The following DNAI7 variants were observed in gnomAD, a reference collection of about 807,000 sequenced individuals.
DNAI7 encodes dynein axonemal intermediate chain 7.
Under a neutral mutation model 86.6 loss-of-function variants are expected in DNAI7, and 78 were observed. That is an observed-to-expected ratio of 0.90 (90% CI 0.75 to 1.09). The LOEUF (loss-of-function observed/expected upper bound fraction) is 1.09, where lower values mean the gene tolerates loss of function less well. Ranked by LOEUF, DNAI7 falls within the 50% of genes least tolerant of loss-of-function variation. The pLI is 0.00. For missense variants in DNAI7, 753 were observed against 810.2 expected, an observed-to-expected ratio of 0.93 and a Z score of 0.86; for synonymous variants, 274 against 273.0, an observed-to-expected ratio of 1.00 and a Z score of -0.04.
chr12:25,193,598 A>G (rs996698741), intron 1 of DNAI7, among the ~76,000 whole-genome samples: 1 of 152,158 alleles, frequency 6.6e-6, no homozygotes, highest in Non-Finnish European at 1.5e-5. Flanking sequence ...GGGTTCCTGG[A>G]ATCTGCATTT....
At chr12:25,170,098 G>C (rs11047871) in intron 2 of DNAI7, among the ~76,000 whole-genome samples, 12,584 of 151,996 alleles carry the variant, frequency 0.083, 1,588 homozygotes, top group African/African-American at 0.28. Flanking sequence ...AATGGTTAAA[G>C]GCCTTGTCCC....
At chr12:25,113,927 T>A (rs1425799221) in intron 13 of DNAI7, among the ~76,000 whole-genome samples, 1 of 143,840 alleles carries the variant, frequency 7.0e-6, no homozygotes, top group African/African-American at 2.5e-5. Flanking sequence ...AATTTCTTTC[T>A]TTCTTTCTGG....
chr12:25,124,214 C>G (rs904480227), intron 9 of DNAI7, among the ~76,000 whole-genome samples: 1 of 152,110 alleles, frequency 6.6e-6, no homozygotes, highest in Admixed American at 6.6e-5. Context: ...CATACACAGA[C>G]AAGTCCCCCT....
Position 25,108,520 on chromosome 12 carries a change from T to A in DNAI7, c.*28A>T. ...GTCTTTCACCATGCTTGGTTCTTCA[T>A]ACTTACAATACAGTTTGTAAGTGGA... On this transcript the variant is annotated 3_prime_UTR_variant, in exon 16 of 16. Coordinates refer to ENST00000395987, the MANE Select transcript of DNAI7 (RefSeq NM_018272.5). 6.3e-7 allele frequency: 1 copy of A among 1,577,074 alleles called. No homozygotes were observed. Among genetic ancestry groups the A allele is most frequent in the Non-Finnish European group, 8.7e-7 (1 of 1,155,084 alleles).
rs1948645817 is a variant in DNAI7, at chr12:25,174,508, G to GGATATATATAT, written c.22-13322_22-13312dup. Among the ~76,000 whole-genome samples, 2 of 69,432 alleles carry GGATATATATAT rather than the reference G, an allele frequency of 2.9e-5. 1 individual carries two copies. The highest frequency in any genetic ancestry group is 9.3e-5 in the African/African-American group (2 of 21,436). 45.6% of individuals were successfully genotyped at this position (69,432 alleles called of 152,430 possible). On this transcript the variant is annotated intron_variant, in intron 2 of 15. Transcript: ENST00000395987. Reference sequence around the variant, plus strand: ...ATATATCATATATCCCATATATATGGGATATATATATCATATATATCATAT... The same window carrying GGATATATATAT: ...ATATATCATATATCCCATATATATGGGATATATATATGATATATATATCATATATATCATAT...
intron 2 of DNAI7, among the ~76,000 whole-genome samples, chr12:25,167,976 G>A (rs1947686838): frequency 6.6e-6 from 1 of 151,966 alleles, no homozygotes; most frequent in Non-Finnish European, 1.5e-5. Context: ...CCCTCTTCTT[G>A]TTTACTTATA....
At chr12:25,135,998 T>A (rs1943507810) in intron 9 of DNAI7, among the ~76,000 whole-genome samples, 1 of 152,064 alleles carries the variant, frequency 6.6e-6, no homozygotes, top group South Asian at 2.1e-4. Context: ...CCTGAATACT[T>A]ATCCAGGTTA....
At chr12:25,138,630 T>C (rs925463931) in intron 9 of DNAI7, among the ~76,000 whole-genome samples, 1 of 152,118 alleles carries the variant, frequency 6.6e-6, no homozygotes, top group Non-Finnish European at 1.5e-5. Flanking sequence ...AAAATCAAGA[T>C]GGAAATTTAA....
intron 2 of DNAI7, among the ~76,000 whole-genome samples, chr12:25,177,346 C>T (rs1272121126): frequency 1.3e-5 from 2 of 152,220 alleles, no homozygotes; most frequent in Admixed American, 1.3e-4. Flanking sequence ...CCCATTGCCC[C>T]TAGCCCTGTC....
intron 2 of DNAI7, among the ~76,000 whole-genome samples, chr12:25,163,423 C>A (rs1412109824): frequency 6.6e-6 from 1 of 152,146 alleles, no homozygotes; most frequent in Non-Finnish European, 1.5e-5. Context: ...CACCTTGTGA[C>A]CCCCCACTCC....
At chr12:25,132,908 C>T (rs1008339168) in intron 9 of DNAI7, among the ~76,000 whole-genome samples, 2 of 140,540 alleles carry the variant, frequency 1.4e-5, no homozygotes, top group East Asian at 1.9e-4. Flanking sequence ...TTGTCATGTA[C>T]GTTGAAATAT....
intron 9 of DNAI7, among the ~76,000 whole-genome samples, chr12:25,137,014 C>G (rs1459049982): frequency 6.6e-6 from 1 of 152,110 alleles, no homozygotes; most frequent in African/African-American, 2.4e-5. Context: ...AGGAAAACTT[C>G]CCTGGTTTTT....
chr12:25,122,232 A>C (rs1202235597), intron 10 of DNAI7, among the ~76,000 whole-genome samples: 1 of 152,134 alleles, frequency 6.6e-6, no homozygotes, highest in East Asian at 1.9e-4. Flanking sequence ...CTGAGGTGGG[A>C]GAATCGCTTG....
downstream of DNAI7, among the ~76,000 whole-genome samples, chr12:25,107,657 C>A (rs1238036432): frequency 6.6e-6 from 1 of 152,244 alleles, no homozygotes; most frequent in African/African-American, 2.4e-5. Flanking sequence ...GGGTGGGAGG[C>A]AGATTGTTTC....
At chr12:25,138,195 G>A (rs930625664) in intron 9 of DNAI7, among the ~76,000 whole-genome samples, 2 of 152,168 alleles carry the variant, frequency 1.3e-5, no homozygotes, top group Non-Finnish European at 1.5e-5. Context: ...CAGGCACAGT[G>A]GCTCATACCT....
chr12:25,144,218 G>C (rs1265401382), intron 9 of DNAI7, 147 bp downstream of exon 9: 1 of 655,508 alleles, frequency 1.5e-6, no homozygotes, highest in South Asian at 1.9e-5. Flanking sequence ...GCAAGAAAAA[G>C]ATACATATTA....
chr12:25,163,672 T>A (rs1947098844), intron 2 of DNAI7, among the ~76,000 whole-genome samples: 1 of 152,146 alleles, frequency 6.6e-6, no homozygotes, highest in Non-Finnish European at 1.5e-5. Flanking sequence ...GGGAGATCAA[T>A]CCCCTGTCCT....
At chr12:25,177,854 A>T (rs924828166) in intron 2 of DNAI7, among the ~76,000 whole-genome samples, 1 of 152,210 alleles carries the variant, frequency 6.6e-6, no homozygotes, top group African/African-American at 2.4e-5. Flanking sequence ...AAATACAGAC[A>T]TCTTTATCAG....
chr12:25,145,044 A>G (rs1284938187), intron 8 of DNAI7, among the ~76,000 whole-genome samples: 1 of 152,094 alleles, frequency 6.6e-6, no homozygotes, highest in Non-Finnish European at 1.5e-5. Flanking sequence ...CTGAATTACT[A>G]TCTATACTAT....
Sources: gnomAD v4.1 joint callset for allele counts (sites outside exome capture counted in the v4.1 genomes callset) on GRCh38, gnomAD v4.1.1 for gene constraint, MANE v1.5 for transcripts, NCBI Gene and HGNC (gene_info 2026-07-23, HGNC 2026-07-21) for gene names.